KCNG2: variants seen among roughly 807,000 people sequenced by gnomAD.
The protein encoded by KCNG2 is voltage-gated potassium channel regulatory subunit KCNG2.
A neutral mutation model predicts 12.3 loss-of-function variants in KCNG2; 7 were observed. The observed-to-expected ratio is 0.57, with a 90% CI of 0.32 to 1.07. The LOEUF (loss-of-function observed/expected upper bound fraction) is 1.07. KCNG2 is among the 50% of genes least tolerant of loss of function. The pLI is 0.04. For synonymous variants in KCNG2, 414 were observed against 351.4 expected (o/e 1.18, Z -1.99); for missense variants, 703 against 726.0 (o/e 0.97, Z 0.36).
At chr18:79,827,369 G>T (rs1010792688) in intron 1 of KCNG2, among the ~76,000 whole-genome samples, 1 of 152,224 alleles carries the variant, frequency 6.6e-6, no homozygotes, top group Admixed American at 6.5e-5. Flanking sequence ...AAAGAGTTCT[G>T]TTCCTTGGTC....
At chr18:79,840,582 G>A (rs1978428992) in intron 1 of KCNG2, among the ~76,000 whole-genome samples, 1 of 152,148 alleles carries the variant, frequency 6.6e-6, no homozygotes, top group Non-Finnish European at 1.5e-5. Context: ...AAAATATATA[G>A]ATGAGATTAT....
At chr18:79,819,770 G>A (rs570002535) in intron 1 of KCNG2, among the ~76,000 whole-genome samples, 2 of 152,302 alleles carry the variant, frequency 1.3e-5, no homozygotes, top group African/African-American at 2.4e-5. Context: ...AATTCCAACC[G>A]CCGTGCTGTG....
In KCNG2 at chr18:79,863,780, G is replaced by GC; in HGVS notation, c.118dup (p.Leu40ProfsTer21). 1 of 1,272,192 alleles carries GC rather than the reference G, an allele frequency of 7.9e-7. No homozygotes were observed. Among genetic ancestry groups the GC allele is most frequent in the Non-Finnish European group, 1.0e-6 (1 of 1,003,780 alleles). 78.8% of individuals were successfully genotyped at this position (1,272,192 alleles called of 1,614,324 possible). On this transcript the variant is annotated frameshift_variant, in exon 3 of 4. Coordinates refer to ENST00000316249, the MANE Select transcript of KCNG2 (RefSeq NM_012283.2). LOFTEE classifies it high-confidence loss of function. Reference sequence around the variant, plus strand: ...CTGGCATGGGCCGCGCTGGCGCGATGCCCCCTCGCGCGCCTGGAGCGCCTG... The same window carrying GC: ...CTGGCATGGGCCGCGCTGGCGCGATGCCCCCCTCGCGCGCCTGGAGCGCCTG...
At position 79,884,869 on chromosome 18, in the gene KCNG2, C is replaced by T. The variant is rs576720008; in HGVS notation, c.625-14171C>T. On this transcript the variant is annotated intron_variant, in intron 3 of 3. Coordinates refer to ENST00000316249, the MANE Select transcript of KCNG2 (RefSeq NM_012283.2). This position sits in a 1 kb window ranked among gnomAD's most constrained non-coding sequence, Gnocchi z 5.5. ...ATTCACAGAAACACAGTAGCGTGCG[C>T]GGGTCGGTGATGCAGCCAAGACACC... is the stretch of plus-strand genomic sequence containing the variant. Among the ~76,000 whole-genome samples, 8 of 152,254 alleles carry T rather than the reference C, an allele frequency of 5.3e-5. No individual in the cohort carries two copies. In the South Asian group the frequency reaches 1.2e-3, roughly 24 times the overall value.
chr18:79,852,976 C>T (rs908620275), intron 1 of KCNG2, among the ~76,000 whole-genome samples: 3 of 152,370 alleles, frequency 2.0e-5, no homozygotes, highest in African/African-American at 4.8e-5. Flanking sequence ...CCACTCCCAC[C>T]GTGGGGCAGG....
At chr18:79,817,801 C>T (rs949353000) in intron 1 of KCNG2, among the ~76,000 whole-genome samples, 1 of 152,232 alleles carries the variant, frequency 6.6e-6, no homozygotes, top group African/African-American at 2.4e-5. Context: ...GGCCCCACGT[C>T]GCCTTCCCCA....
At chr18:79,826,885 A>G (rs1476231653) in intron 1 of KCNG2, among the ~76,000 whole-genome samples, 1 of 152,274 alleles carries the variant, frequency 6.6e-6, no homozygotes, top group Non-Finnish European at 1.5e-5. Context: ...GGGAGTGACT[A>G]ATCACTTGTT....
chr18:79,883,968 G>A (rs1351933136), intron 3 of KCNG2, among the ~76,000 whole-genome samples: 5 of 152,072 alleles, frequency 3.3e-5, no homozygotes, highest in Non-Finnish European at 7.4e-5. Context: ...CCCCCAACTC[G>A]GGTGTGCCTG....
chr18:79,802,061 G>A (rs1274298948), intron 1 of KCNG2, among the ~76,000 whole-genome samples: 2 of 152,202 alleles, frequency 1.3e-5, no homozygotes, highest in East Asian at 1.9e-4. Context: ...GTGATTTGTG[G>A]ATGTGACTTG....
intron 1 of KCNG2, among the ~76,000 whole-genome samples, chr18:79,828,906 A>G (rs1200880892): frequency 1.6e-5 from 2 of 124,610 alleles, no homozygotes; most frequent in South Asian, 2.8e-4. Flanking sequence ...TGATGTGTGC[A>G]TGTGTCTGTG....
chr18:79,852,939 A>G (rs1978876950), intron 1 of KCNG2, among the ~76,000 whole-genome samples: 1 of 152,208 alleles, frequency 6.6e-6, no homozygotes, highest in Non-Finnish European at 1.5e-5. Context: ...CTTTGGGGGT[A>G]CCTGTGTCAG....
In KCNG2 at chr18:79,803,886, G is replaced by C. The variant is rs1264956474; in HGVS notation, c.-115+5872G>C. On this transcript the variant is annotated intron_variant, in intron 1 of 3. Coordinates refer to ENST00000316249, the MANE Select transcript of KCNG2 (RefSeq NM_012283.2). This position sits in a 1 kb window ranked among gnomAD's most constrained non-coding sequence, Gnocchi z 4.5. ...GAGGCCTCCGTGTTGGTTTCTCCGG[G>C]GTTGGTGCCGGTGGATCAGAATCTT... is the stretch of plus-strand genomic sequence containing the variant. Among the ~76,000 whole-genome samples the C allele has an allele frequency of 1.3e-5, 2 of 152,200 alleles. No individual in the cohort carries two copies. The highest frequency in any genetic ancestry group is 6.5e-5 in the Admixed American group (1 of 15,290).
intron 3 of KCNG2, among the ~76,000 whole-genome samples, chr18:79,882,588 T>C (rs1980340321): frequency 6.6e-6 from 1 of 152,208 alleles, no homozygotes; most frequent in South Asian, 2.1e-4. Context: ...GAACTGTTAT[T>C]AGGGAAATAC....
intron 1 of KCNG2, among the ~76,000 whole-genome samples, chr18:79,837,852 C>T (rs1429459459): frequency 6.6e-6 from 1 of 152,204 alleles, no homozygotes; most frequent in Admixed American, 6.5e-5. Context: ...ATCTTTGTAG[C>T]AGTGCCCCAC....
At chr18:79,812,846 G>C (rs2087502057) in intron 1 of KCNG2, among the ~76,000 whole-genome samples, 1 of 152,078 alleles carries the variant, frequency 6.6e-6, no homozygotes, top group Admixed American at 6.6e-5. Context: ...GGGTGATAGA[G>C]CGAGACTCTG....
chr18:79,801,853 G>C (rs1217481940), intron 1 of KCNG2, among the ~76,000 whole-genome samples: 1 of 152,232 alleles, frequency 6.6e-6, no homozygotes, highest in Non-Finnish European at 1.5e-5. Context: ...GCTCTCACCC[G>C]TGTCCCCGCC....
intron 1 of KCNG2, among the ~76,000 whole-genome samples, chr18:79,821,461 T>C (rs1477353688): frequency 6.6e-6 from 1 of 152,128 alleles, no homozygotes; most frequent in African/African-American, 2.4e-5. Flanking sequence ...AGCTAATTTA[T>C]GTATTTTTAG....
At chr18:79,807,705 C>CT (rs1342491465) in intron 1 of KCNG2, among the ~76,000 whole-genome samples, 1 of 152,258 alleles carries the variant, frequency 6.6e-6, no homozygotes, top group Non-Finnish European at 1.5e-5. Context: ...AGTCCGCACT[C>CT]TGAGAAGTTG....
At position 79,875,317 on chromosome 18, in the gene KCNG2, C is replaced by T. The variant is rs1008905813; in HGVS notation, c.624+11026C>T. ...AACAGGCGGTCCTGGGGGCTCCTCT[C>T]AGTCCAACACCACGGAGCACAGGCG... On this transcript the variant is annotated intron_variant, in intron 3 of 3. Transcript: ENST00000316249. Among the ~76,000 whole-genome samples the T allele has an allele frequency of 2.0e-4, 31 of 152,264 alleles. 1 individual carries two copies. Among genetic ancestry groups the T allele is most frequent in the Admixed American group, 1.9e-3 (29 of 15,298 alleles).
Sources: gnomAD v4.1 joint callset for allele counts (sites outside exome capture counted in the v4.1 genomes callset) on GRCh38, gnomAD v4.1.1 for gene constraint, Gnocchi (gnomAD v3.1) non-coding constraint, MANE v1.5 for transcripts, NCBI Gene and HGNC (gene_info 2026-07-23, HGNC 2026-07-21) for gene names.